Variants in GRIA3 observed in about 807,000 individuals in gnomAD.
GRIA3 encodes glutamate receptor 3.
Under a neutral mutation model 63.0 loss-of-function variants are expected in GRIA3, and 3 were observed. The observed-to-expected ratio is 0.05, with a 90% confidence interval of 0.02 to 0.12. GRIA3 has a LOEUF of 0.12. Among genes scored for constraint, GRIA3 ranks in the 10% least tolerant of loss-of-function variants. GRIA3 has a pLI of 1.00. For missense variants in GRIA3, 347 were observed against 700.9 expected (o/e 0.50, Z 5.70); for synonymous variants, 274 against 257.9 (o/e 1.06, Z -0.60).
At chrX:123,269,363 ATAGT>A (rs1486326765) in intron 3 of GRIA3, among the ~76,000 whole-genome samples, 1 of 111,969 alleles carries the variant, frequency 8.9e-6, no homozygotes, top group Non-Finnish European at 1.9e-5. Context: ...TTTCTGCCAC[ATAGT>A]TAGCATTCTG....
intron 2 of GRIA3, chrX:123,204,391 C>T (rs1927828022): frequency 1.7e-6 from 2 of 1,151,554 alleles, no homozygotes; most frequent in South Asian, 3.8e-5. Flanking sequence ...TTTACCTTTC[C>T]TGTTCAAGGC....
chrX:123,324,742 C>T (rs5911588), intron 3 of GRIA3, among the ~76,000 whole-genome samples: 21,519 of 111,469 alleles, frequency 0.19, 1,636 homozygotes, highest in Non-Finnish European at 0.22. Flanking sequence ...CCTGCATACA[C>T]CCAGCACACA....
rs16997146 is a variant in GRIA3 at position 123,186,228 on chromosome X, T to C, written c.268+238T>C. 8.5e-3 allele frequency among the ~76,000 whole-genome samples: 949 copies of C among 111,130 alleles called. 15 individuals carry two copies. The highest frequency in any genetic ancestry group is 0.029 in the African/African-American group (883 of 30,543). On this transcript the variant is annotated intron_variant, in intron 2 of 15. Coordinates refer to ENST00000620443, the MANE Select transcript of GRIA3 (RefSeq NM_007325.5). The stretch of plus-strand genomic sequence containing the variant: ...AAAGTCTGCTCCAAATAGTGTTTGA[T>C]GCAAAAGTTTCATTTTCCTCCATGC...
intron 4 of GRIA3, among the ~76,000 whole-genome samples, chrX:123,336,432 C>T (rs2044974835): frequency 9.0e-6 from 1 of 111,291 alleles, no homozygotes; most frequent in South Asian, 3.8e-4. Context: ...AGCTTTACTT[C>T]AGTCCAGATT....
At chrX:123,410,680 T>A (rs1010476123) in intron 10 of GRIA3, among the ~76,000 whole-genome samples, 3 of 111,740 alleles carry the variant, frequency 2.7e-5, no homozygotes, top group African/African-American at 9.8e-5. Context: ...CAGGTGATTA[T>A]ACTGGGCTTT....
At chrX:123,232,638 TA>T (rs2044281908) in intron 2 of GRIA3, among the ~76,000 whole-genome samples, 1 of 111,183 alleles carries the variant, frequency 9.0e-6, no homozygotes, top group African/African-American at 3.3e-5. Flanking sequence ...GAAATAAATT[TA>T]AAAAGTTAAC....
At chrX:123,408,287 C>A (rs757385305) in intron 10 of GRIA3, among the ~76,000 whole-genome samples, 78 of 111,478 alleles carry the variant, frequency 7.0e-4, no homozygotes, top group South Asian at 1.9e-3. Flanking sequence ...TTTCTACTAG[C>A]CCAGGTTATC....
intron 4 of GRIA3, among the ~76,000 whole-genome samples, chrX:123,330,735 TAGAG>T (rs964476419): frequency 9.0e-6 from 1 of 110,835 alleles, no homozygotes. Flanking sequence ...TTAACTAGAC[TAGAG>T]AGAGAGTCAG....
At chrX:123,286,337 C>G (rs1004262880) in intron 3 of GRIA3, among the ~76,000 whole-genome samples, 2 of 109,244 alleles carry the variant, frequency 1.8e-5, no homozygotes, top group African/African-American at 6.7e-5. Flanking sequence ...AATTCGACAC[C>G]CTAACATCAC....
chrX:123,441,539 T>C (rs2045674061), intron 12 of GRIA3, among the ~76,000 whole-genome samples: 1 of 111,451 alleles, frequency 9.0e-6, no homozygotes, highest in African/African-American at 3.3e-5. Flanking sequence ...CTCCAAAGAA[T>C]ACTTTGCTTT....
intron 5 of GRIA3, among the ~76,000 whole-genome samples, chrX:123,384,477 T>C (rs1214390657): frequency 5.4e-5 from 6 of 111,105 alleles, no homozygotes; most frequent in Admixed American, 3.8e-4. Flanking sequence ...ATACAAAAAT[T>C]AGCCGGGCGT....
chrX:123,189,210 TTAGC>T (rs1235284333), intron 2 of GRIA3, among the ~76,000 whole-genome samples: 1 of 112,409 alleles, frequency 8.9e-6, no homozygotes, highest in Non-Finnish European at 1.9e-5. Flanking sequence ...ACTTTTCAAC[TTAGC>T]TAGATAACCC....
rs754572828 is a variant in GRIA3 at position 123,313,106 on chromosome X, T to C, written c.509-12920T>C. Among the ~76,000 whole-genome samples the C allele has an allele frequency of 9.2e-4, 103 of 111,592 alleles. 1 individual carries two copies. The highest frequency in any genetic ancestry group is 5.1e-4 in the Non-Finnish European group (27 of 53,138). Reference sequence around the variant, plus strand: ...ATTAGCCTATAACCCGCCTCCATAATGCCAAATTCACTCTCATATCCCCAT... The same window carrying C: ...ATTAGCCTATAACCCGCCTCCATAACGCCAAATTCACTCTCATATCCCCAT... On this transcript the variant is annotated intron_variant, in intron 3 of 15. Coordinates refer to ENST00000620443, the MANE Select transcript of GRIA3 (RefSeq NM_007325.5).
Position 123,451,060 on chromosome X carries a change from A to T in GRIA3, c.2077-13805A>T, listed in dbSNP as rs761615099. 1.6e-3 allele frequency among the ~76,000 whole-genome samples: 184 copies of T among 111,536 alleles called. 1 individual carries two copies. The highest frequency in any genetic ancestry group is 5.8e-3 in the African/African-American group (177 of 30,679). ...AGCAGTGAAGAAGACAAACCGTGGT[A>T]AAAATTCTGGATTATATTCTGTTTG... On this transcript the variant is annotated intron_variant, in intron 12 of 15. Transcript: ENST00000620443.
intron 11 of GRIA3, among the ~76,000 whole-genome samples, chrX:123,424,371 T>C (rs1603147278): frequency 8.9e-6 from 1 of 111,861 alleles, no homozygotes; most frequent in Non-Finnish European, 1.9e-5. Flanking sequence ...GCTTCTTCCC[T>C]GTAGGTTCCA....
intron 11 of GRIA3, among the ~76,000 whole-genome samples, chrX:123,425,979 AT>A (rs1054965343): frequency 2.0e-5 from 2 of 101,178 alleles, no homozygotes; most frequent in African/African-American, 3.5e-5. Flanking sequence ...AGGAATTTAA[AT>A]TTGCTTTAAA....
intron 4 of GRIA3, among the ~76,000 whole-genome samples, chrX:123,333,405 C>T (rs1246372627): frequency 9.0e-6 from 1 of 111,731 alleles, no homozygotes; most frequent in Non-Finnish European, 1.9e-5. Flanking sequence ...AGCCAGCCAA[C>T]TGTTGTGAGG....
At chrX:123,452,354 TC>T (rs200603478) in intron 12 of GRIA3, among the ~76,000 whole-genome samples, 147 of 91,814 alleles carry the variant, frequency 1.6e-3, no homozygotes, top group Non-Finnish European at 2.5e-3. Flanking sequence ...AAACTAACAC[TC>T]CCCCCCCAAA....
At chrX:123,299,939 CAG>C (rs2044711014) in intron 3 of GRIA3, among the ~76,000 whole-genome samples, 2 of 110,766 alleles carry the variant, frequency 1.8e-5, no homozygotes, top group Admixed American at 1.9e-4. Context: ...TTAACATAAA[CAG>C]ATGTTGAATT....
Sources: allele counts gnomAD v4.1 joint callset (sites outside exome capture counted in the v4.1 genomes callset), GRCh38; gene constraint gnomAD v4.1.1; transcripts MANE v1.5; gene names NCBI Gene and HGNC (gene_info 2026-07-23, HGNC 2026-07-21).